MTUS2: variants seen among roughly 807,000 people sequenced by gnomAD.
MTUS2 encodes the protein microtubule associated scaffold protein 2.
MTUS2 carries 40 observed loss-of-function variants against 114.1 expected under a neutral mutation model. The ratio of observed to expected loss-of-function variants is 0.35; its 90% CI spans 0.27 to 0.46. The LOEUF (loss-of-function observed/expected upper bound fraction) is 0.46, where lower values mean the gene tolerates loss of function less well. Ranked by LOEUF, MTUS2 falls within the 20% of genes least tolerant of loss-of-function variation. The pLI is 1.00. For synonymous variants in MTUS2, 688 were observed against 672.0 expected, an observed-to-expected ratio of 1.02 and a Z score of -0.37; for missense variants, 1,679 against 1,705.4, an observed-to-expected ratio of 0.98 and a Z score of 0.27.
intron 2 of MTUS2, among the ~76,000 whole-genome samples, chr13:28,939,696 A>G (rs1257357233): frequency 6.6e-6 from 1 of 152,166 alleles, no homozygotes; most frequent in Non-Finnish European, 1.5e-5. Flanking sequence ...GTTTCTTGCA[A>G]ACCAGTTCAC....
At chr13:29,224,416 T>G (rs1896027959) in intron 5 of MTUS2, among the ~76,000 whole-genome samples, 1 of 151,354 alleles carries the variant, frequency 6.6e-6, no homozygotes, top group South Asian at 2.1e-4. Flanking sequence ...TTTTAATGTC[T>G]TTTTTTTTAT....
chr13:29,475,938 G>A (rs1297547702), intron 9 of MTUS2, among the ~76,000 whole-genome samples: 2 of 152,124 alleles, frequency 1.3e-5, no homozygotes, highest in Admixed American at 6.5e-5. Context: ...TCATGTCGTA[G>A]GCCCTCACAT....
At chr13:29,278,852 A>C (rs148640503) in intron 5 of MTUS2, among the ~76,000 whole-genome samples, 1 of 152,156 alleles carries the variant, frequency 6.6e-6, no homozygotes, top group African/African-American at 2.4e-5. Flanking sequence ...TCTTCTCTTT[A>C]GTCTTTCATC....
chr13:29,229,827 C>A (rs966051040), intron 5 of MTUS2, among the ~76,000 whole-genome samples: 10 of 152,110 alleles, frequency 6.6e-5, no homozygotes, highest in African/African-American at 2.4e-4. Flanking sequence ...TATATCTGGC[C>A]AGTGATTTGC....
chr13:29,042,330 A>T (rs1383577704), intron 4 of MTUS2, among the ~76,000 whole-genome samples: 2 of 152,040 alleles, frequency 1.3e-5, no homozygotes, highest in African/African-American at 2.4e-5. Context: ...TTGATCATGG[A>T]GGATTACCTT....
intron 8 of MTUS2, among the ~76,000 whole-genome samples, chr13:29,383,240 G>GTATATATATATATATATATATATATT (rs1224083355): frequency 4.0e-5 from 1 of 25,020 alleles, no homozygotes; most frequent in Admixed American, 7.2e-4. Flanking sequence ...GTGTGTGTGT[G>GTATATATATATATATATATATATATT]TGTGTGTGTG....
At chr13:29,191,857 A>T (rs573015511) in intron 5 of MTUS2, among the ~76,000 whole-genome samples, 1 of 152,356 alleles carries the variant, frequency 6.6e-6, no homozygotes, top group African/African-American at 2.4e-5. Context: ...ATCAATTTCT[A>T]TGCCTTCTTC....
At chr13:29,040,429 G>T (rs977114278) in intron 4 of MTUS2, among the ~76,000 whole-genome samples, 2 of 152,146 alleles carry the variant, frequency 1.3e-5, no homozygotes. Flanking sequence ...TTATAAACGT[G>T]TGTGCAAGTA....
intron 6 of MTUS2, chr13:29,306,869 TG>T: frequency 2.0e-6 from 1 of 496,082 alleles, no homozygotes; most frequent in South Asian, 1.5e-5. Flanking sequence ...GTAGATATTG[TG>T]GCCATCAGTG....
chr13:29,358,248 A>G (rs1388253388), intron 7 of MTUS2, among the ~76,000 whole-genome samples: 1 of 152,138 alleles, frequency 6.6e-6, no homozygotes, highest in Non-Finnish European at 1.5e-5. Context: ...GGACCAGAGG[A>G]AGACGCCTGC....
At chr13:29,192,510 A>G (rs1315384568) in intron 5 of MTUS2, among the ~76,000 whole-genome samples, 3 of 151,624 alleles carry the variant, frequency 2.0e-5, no homozygotes, top group Non-Finnish European at 1.5e-5. Flanking sequence ...AGTTAACAAT[A>G]ACATATTATA....
intron 8 of MTUS2, among the ~76,000 whole-genome samples, chr13:29,409,424 T>C (rs1048842440): frequency 1.3e-5 from 2 of 152,194 alleles, no homozygotes; most frequent in African/African-American, 4.8e-5. Context: ...TTAGGTTAAT[T>C]TTTTTCTTCC....
At chr13:28,997,188 C>T (rs560315619) in intron 2 of MTUS2, among the ~76,000 whole-genome samples, 2,689 of 152,160 alleles carry the variant, frequency 0.018, 82 homozygotes, top group African/African-American at 0.061. Flanking sequence ...GTTCAGTTTC[C>T]ATGTAGTTGA....
chr13:29,297,573 T>C (rs995432904), intron 6 of MTUS2, among the ~76,000 whole-genome samples: 1 of 152,218 alleles, frequency 6.6e-6, no homozygotes, highest in African/African-American at 2.4e-5. Context: ...AGCCAATTAA[T>C]TGCATTTTAC....
chr13:29,414,609 G>T (rs1371557524), intron 8 of MTUS2, among the ~76,000 whole-genome samples: 2 of 151,628 alleles, frequency 1.3e-5, no homozygotes, highest in Non-Finnish European at 2.9e-5. Context: ...GCTCAATTTT[G>T]GGAACCTATG....
chr13:29,025,161 C>T lies in MTUS2; in HGVS notation c.463C>T (p.Pro155Ser), dbSNP rs868384298. ...TTTGGCTAAAAGGGATGCTGAAATT[C>T]CCCGGCATGTTCCCAAGGATAAACT... ...DVLAKRDAEI[P>S]RHVPKDKLAK... The change falls in exon 3 of 16, where the codon CCC becomes TCC. Residue 155 changes from proline to serine, a missense_variant. Transcript: ENST00000612955. 1.9e-6 allele frequency: 3 copies of T among 1,613,792 alleles called. No homozygotes were observed. The highest frequency in any genetic ancestry group is 2.5e-6 in the Non-Finnish European group (3 of 1,179,888).
chr13:29,205,214 C>G (rs767422775), intron 5 of MTUS2, among the ~76,000 whole-genome samples: 2 of 152,168 alleles, frequency 1.3e-5, no homozygotes, highest in African/African-American at 4.8e-5. Context: ...ATGTGTGTTT[C>G]ATTCTTCTAG....
intron 6 of MTUS2, among the ~76,000 whole-genome samples, chr13:29,309,881 C>T (rs185166927): frequency 1.3e-5 from 2 of 152,250 alleles, no homozygotes; most frequent in Admixed American, 6.5e-5. Context: ...ATGAGGTCTC[C>T]ATCACCTCAA....
chr13:29,245,611 TCTTGCTTTCTAGCA>T (rs1473966915), intron 5 of MTUS2, among the ~76,000 whole-genome samples: 1 of 152,198 alleles, frequency 6.6e-6, no homozygotes, highest in Non-Finnish European at 1.5e-5. Flanking sequence ...CACTTGCTAA[TCTTGCTTTCTAGCA>T]AAGACAGAGT....
Sources: gnomAD v4.1 joint callset for allele counts (sites outside exome capture counted in the v4.1 genomes callset) on GRCh38, gnomAD v4.1.1 for gene constraint, MANE v1.5 for transcripts, NCBI Gene and HGNC (gene_info 2026-07-23, HGNC 2026-07-21) for gene names.